Variants in RBM45 observed in about 807,000 individuals in gnomAD.
RBM45 encodes RNA-binding protein 45.
In RBM45, 39 loss-of-function variants were observed where a neutral mutation model predicts 58.5. That is an observed-to-expected ratio of 0.67 (90% CI 0.52 to 0.87). The LOEUF (loss-of-function observed/expected upper bound fraction) is 0.87. Ranked by LOEUF, RBM45 falls within the 40% of genes least tolerant of loss-of-function variation. The pLI is 0.00. For missense variants in RBM45, 481 were observed against 581.6 expected (o/e 0.83, Z 1.78); for synonymous variants, 193 against 203.0 (o/e 0.95, Z 0.42).
At position 178,124,142 on chromosome 2, in the gene RBM45, T is replaced by C. The variant is rs762818888; in HGVS notation, c.1084T>C (p.Ser362Pro). The change falls in exon 8 of 10, where the codon TCT becomes CCT. Residue 362 changes from serine to proline, a missense_variant. Ser to Pro is a moderately conservative substitution (Grantham distance 74). Coordinates refer to ENST00000286070, the MANE Select transcript of RBM45 (RefSeq NM_152945.4). Reference sequence around the variant, plus strand: ...CTGTTAACAGCAATTTGGAGGAAGCTCTGGATCACAGTTGCCTCAAATCCA... The same window carrying C: ...CTGTTAACAGCAATTTGGAGGAAGCCCTGGATCACAGTTGCCTCAAATCCA... ...QQQFMQFGGS[S>P]GSQLPQIQTD... 2.5e-6 allele frequency: 4 copies of C among 1,590,040 alleles called. No individual in the cohort carries two copies. In the South Asian group the frequency reaches 4.7e-5, roughly 19 times the overall value.
At chr2:178,120,886 C>T (rs189164851) in intron 4 of RBM45, 127 of 232,326 alleles carry the variant, frequency 5.5e-4, no homozygotes, top group African/African-American at 2.5e-3. Context: ...TGTTATTTGA[C>T]GTAAACATTC....
chr2:178,114,117 G>C lies in RBM45; in HGVS notation c.300+1271G>C, dbSNP rs554399002. 9.8e-5 allele frequency among the ~76,000 whole-genome samples: 15 copies of C among 152,324 alleles called. No individual in the cohort carries two copies. The East Asian group carries it at 2.9e-3, about 29-fold the overall frequency. On this transcript the variant is annotated intron_variant, in intron 1 of 9. Transcript: ENST00000286070. ...AACTTTTTCTGTAAAGGGCTGACTA[G>C]TAAATATTTTAGGCTTTGCAGGCCA... is the stretch of plus-strand genomic sequence containing the variant.
At chr2:178,127,642 C>A (rs1056008219) in intron 9 of RBM45, among the ~76,000 whole-genome samples, 1 of 152,076 alleles carries the variant, frequency 6.6e-6, no homozygotes, top group Admixed American at 6.5e-5. Flanking sequence ...GCAATTTAAC[C>A]CTGGATATAT....
chr2:178,120,555 G>T, intron 4 of RBM45, 146 bp downstream of exon 4: 3 of 646,578 alleles, frequency 4.6e-6, no homozygotes, highest in South Asian at 2.7e-5. Flanking sequence ...CCTAAAATGT[G>T]GATTATGACT....
At chr2:178,136,456 T>C (rs1316687430) in intron 3 of RBM45, 2 of 152,250 alleles carry the variant, frequency 1.3e-5, no homozygotes, top group African/African-American at 4.8e-5. Flanking sequence ...CTGCATTCCT[T>C]CACTAGTGGC....
In RBM45 at chr2:178,126,163, A is replaced by G. The variant is rs1289460573; in HGVS notation, c.1412A>G (p.Gln471Arg). The G allele has an allele frequency of 1.9e-6, 3 of 1,613,626 alleles. No individual in the cohort carries two copies. In the Admixed American group the frequency reaches 5.0e-5, roughly 27 times the overall value. Residue 471 changes from glutamine (Q) to arginine (R), a missense_variant, in exon 9 of 10, where the codon CAA (glutamine) becomes CGA (arginine). Coordinates refer to ENST00000286070, the MANE Select transcript of RBM45 (RefSeq NM_152945.4). ...DSPREESNKR[Q>R]RTY ...CCAAGAGAAGAATCTAACAAACGGC[A>G]AAGAACTTACTGATTCTTGAGGTAA...
In RBM45 at chr2:178,123,627, T is replaced by C. The variant is rs2087886681; in HGVS notation, c.959T>C (p.Ile320Thr). ...GGGAACCGAATAGGTGTTTCCTTCA[T>C]TGATGATGGAAGTAATGCAACAGAG... The part of the protein sequence containing the change: ...PPGNRIGVSF[I>T]DDGSNATDLL... The change falls in exon 6 of 10, where the codon ATT (isoleucine) becomes ACT (threonine). Residue 320 changes from isoleucine (I) to threonine (T), a missense_variant. By Grantham distance (89) the Ile-to-Thr change is moderately conservative. Transcript: ENST00000286070. 1 of 1,607,458 alleles carries C rather than the reference T, an allele frequency of 6.2e-7. No homozygotes were observed. Among genetic ancestry groups the C allele is most frequent in the Admixed American group, 1.7e-5 (1 of 58,438 alleles).
rs772046088 is a variant in RBM45, at chr2:178,112,718, C to A, written c.172C>A (p.Arg58=). Residue 58 remains arginine (R), a synonymous_variant, in exon 1 of 10, where the codon CGG becomes AGG. Coordinates refer to ENST00000286070, the MANE Select transcript of RBM45 (RefSeq NM_152945.4). ...CGACATCCAGGACATCTGGGTGGTG[C>A]GGGACAAGCACACCAAGGAGTCCAA... ...FGDIQDIWVV[R]DKHTKESKGI... is the part of the protein sequence containing the mutation. 2.0e-5 allele frequency: 32 copies of A among 1,614,060 alleles called. No individual in the cohort carries two copies. The East Asian group carries it at 6.9e-4, about 35-fold the overall frequency.
chr2:178,117,477 G>A (rs2087791966), intron 2 of RBM45, among the ~76,000 whole-genome samples: 1 of 152,134 alleles, frequency 6.6e-6, no homozygotes, highest in South Asian at 2.1e-4. Context: ...CTTTCTGAGT[G>A]AACCAGCATA....
At chr2:178,130,007 A>G (rs2087989743), downstream of RBM45, among the ~76,000 whole-genome samples, 1 of 152,198 alleles carries the variant, frequency 6.6e-6, no homozygotes, top group African/African-American at 2.4e-5. Flanking sequence ...TTTTAGTTAT[A>G]CCAAAATGTG....
chr2:178,134,733 T>C (rs1574417794), intron 3 of RBM45, among the ~76,000 whole-genome samples: 1 of 152,216 alleles, frequency 6.6e-6, no homozygotes, highest in South Asian at 2.1e-4. Flanking sequence ...GGCTGACGCC[T>C]GTAATCTCAG....
intron 6 of RBM45, 34 bp downstream of exon 6, chr2:178,123,685 C>T: frequency 6.3e-7 from 1 of 1,587,300 alleles, no homozygotes. Flanking sequence ...TAAAGCCGAG[C>T]TTTGAGTGTA....
chr2:178,119,362 A>C (rs1559079143), intron 3 of RBM45, among the ~76,000 whole-genome samples: 1 of 152,242 alleles, frequency 6.6e-6, no homozygotes, highest in Non-Finnish European at 1.5e-5. Context: ...AGGTGAGAGC[A>C]GTGCTAGCAG....
At chr2:178,134,029 C>T (rs2088025484), downstream of RBM45, 1 of 152,264 alleles carries the variant, frequency 6.6e-6, no homozygotes, top group South Asian at 2.1e-4. Flanking sequence ...GAAAATGCAG[C>T]TCCCACTATA....
At chr2:178,136,169 G>A (rs1574418102) in intron 3 of RBM45, among the ~76,000 whole-genome samples, 1 of 152,192 alleles carries the variant, frequency 6.6e-6, no homozygotes, top group African/African-American at 2.4e-5. Context: ...AATTAGGCAG[G>A]TGTGGTGGCG....
chr2:178,120,056 T>TGTAGACA (rs2087828385), intron 3 of RBM45, among the ~76,000 whole-genome samples: 1 of 152,186 alleles, frequency 6.6e-6, no homozygotes, highest in South Asian at 2.1e-4. Context: ...TAGCATAGAA[T>TGTAGACA]TGCTGATCTT....
At position 178,120,300 on chromosome 2, in the gene RBM45, C is replaced by T; in HGVS notation, c.564C>T (p.Ile188=). The T allele has an allele frequency of 6.2e-7, 1 of 1,612,650 alleles. No individual in the cohort carries two copies. The highest frequency in any genetic ancestry group is 8.5e-7 in the Non-Finnish European group (1 of 1,179,466). ...IENCDRSFRA[I]LAEPKNKASE... ...GGGTTTTTTCAGGTTTTAGAGCAATCTTGGCTGAACCTAAAAATAAAGCAT... is the reference window on the plus strand; with the variant it reads ...GGGTTTTTTCAGGTTTTAGAGCAATTTTGGCTGAACCTAAAAATAAAGCAT... Residue 188 remains isoleucine, a synonymous_variant, in exon 4 of 10, where the codon ATC becomes ATT. Coordinates refer to ENST00000286070, the MANE Select transcript of RBM45 (RefSeq NM_152945.4).
At position 178,126,085 on chromosome 2, in the gene RBM45, T is replaced by C; in HGVS notation, c.1334T>C (p.Leu445Pro). Reference protein sequence around the residue: ...RISANDAIATLHGKILNGVRL... With the variant: ...RISANDAIATPHGKILNGVRL... ...AGTGCTAATGATGCCATTGCCACTCTACATGGAAAGATTCTGAATGGGGTG... is the reference window on the plus strand; with the variant it reads ...AGTGCTAATGATGCCATTGCCACTCCACATGGAAAGATTCTGAATGGGGTG... Residue 445 changes from leucine to proline, a missense_variant, in exon 9 of 10, where the codon CTA becomes CCA. Transcript: ENST00000286070. 6.2e-7 allele frequency: 1 copy of C among 1,613,804 alleles called. No individual in the cohort carries two copies. Among genetic ancestry groups the C allele is most frequent in the South Asian group, 1.1e-5 (1 of 91,066 alleles).
At chr2:178,136,369 T>C (rs2088045520) in intron 3 of RBM45, 1 of 152,284 alleles carries the variant, frequency 6.6e-6, no homozygotes, top group South Asian at 2.1e-4. Context: ...CTGACACTCC[T>C]TATTAACTTA....
Sources: gnomAD v4.1 joint callset for allele counts (sites outside exome capture counted in the v4.1 genomes callset) on GRCh38, gnomAD v4.1.1 for gene constraint, MANE v1.5 for transcripts, NCBI Gene and HGNC (gene_info 2026-07-23, HGNC 2026-07-21) for gene names.